The following CEP164 variants were observed in gnomAD, a reference collection of about 807,000 sequenced individuals.
CEP164 encodes centrosomal protein 164.
A neutral mutation model predicts 182.7 loss-of-function variants in CEP164; 162 were observed. That is an observed-to-expected ratio of 0.89 (90% CI 0.78 to 1.01). CEP164 has a LOEUF of 1.01. CEP164 is among the 50% of genes least tolerant of loss of function. The pLI is 0.00. For missense variants in CEP164, 1,735 were observed against 1,790.4 expected (o/e 0.97, Z 0.56); for synonymous variants, 661 against 690.0 (o/e 0.96, Z 0.66).
intron 8 of CEP164, among the ~76,000 whole-genome samples, chr11:117,369,312 C>T (rs2041967343): frequency 6.6e-6 from 1 of 152,346 alleles, no homozygotes; most frequent in East Asian, 1.9e-4. Flanking sequence ...AGCACTACTA[C>T]ATCCCAGTAT....
At chr11:117,337,207 C>T (rs2037293750) in intron 2 of CEP164, among the ~76,000 whole-genome samples, 1 of 152,104 alleles carries the variant, frequency 6.6e-6, no homozygotes, top group Non-Finnish European at 1.5e-5. Flanking sequence ...TGGTTCCTGT[C>T]TTGCAGACAG....
intron 8 of CEP164, among the ~76,000 whole-genome samples, chr11:117,367,703 A>G (rs2135825926): frequency 6.6e-6 from 1 of 152,296 alleles, no homozygotes; most frequent in East Asian, 1.9e-4. Flanking sequence ...CAGGTTTGTT[A>G]CATAGGTAAA....
intron 27 of CEP164, among the ~76,000 whole-genome samples, chr11:117,407,457 CA>C (rs1232486465): frequency 0.11 from 7,777 of 68,890 alleles, 169 homozygotes; most frequent in African/African-American, 0.25. Context: ...TCTGTCTCTA[CA>C]AAAAAAAAAA....
At chr11:117,385,385 A>G (rs1565555100) in intron 14 of CEP164, 1 of 152,174 alleles carries the variant, frequency 6.6e-6, no homozygotes, top group Non-Finnish European at 1.5e-5. Flanking sequence ...CTGAGCTAGC[A>G]GTTTGGGCTA....
At chr11:117,392,737 C>G (rs2044834475) in intron 19 of CEP164, 110 bp downstream of exon 19, 2 of 1,444,604 alleles carry the variant, frequency 1.4e-6, no homozygotes, top group East Asian at 4.6e-5. Flanking sequence ...GATGGCTCAG[C>G]TGGGGTTAGC....
chr11:117,394,583 G>A lies in CEP164; in HGVS notation c.2760+90G>A. ...AGCAGACGCATGGCCCCAGCAGGATGCAGCCTGACAGCTTCTGGAGTGAGA... is the reference window on the plus strand; with the variant it reads ...AGCAGACGCATGGCCCCAGCAGGATACAGCCTGACAGCTTCTGGAGTGAGA... On this transcript the variant is annotated intron_variant, in intron 21 of 32. Transcript: ENST00000278935. This position sits in a 1 kb window ranked among gnomAD's most constrained non-coding sequence, Gnocchi z 4.0. 1 of 1,497,210 alleles carries A rather than the reference G, an allele frequency of 6.7e-7. No individual in the cohort carries two copies. Among genetic ancestry groups the A allele is most frequent in the Non-Finnish European group, 9.0e-7 (1 of 1,108,794 alleles). 92.7% of individuals were successfully genotyped at this position (1,497,210 alleles called of 1,614,324 possible). A position where few individuals can be genotyped will look rare whatever the true frequency, so the allele number is the denominator to read the frequency against.
chr11:117,400,138 A>G (rs2045966097), intron 27 of CEP164, among the ~76,000 whole-genome samples: 1 of 152,200 alleles, frequency 6.6e-6, no homozygotes, highest in African/African-American at 2.4e-5. Context: ...TTAAGTCTTT[A>G]ATCCATCTCG....
intron 10 of CEP164, among the ~76,000 whole-genome samples, chr11:117,374,131 T>C (rs2042500106): frequency 6.6e-6 from 1 of 152,094 alleles, no homozygotes; most frequent in Admixed American, 6.5e-5. Flanking sequence ...CTCACTATTG[T>C]GTGAGTTGCC....
chr11:117,383,794 T>TG (rs1192011703), intron 14 of CEP164, among the ~76,000 whole-genome samples: 14 of 152,176 alleles, frequency 9.2e-5, no homozygotes, highest in Admixed American at 9.2e-4. Flanking sequence ...CCCAGCACTC[T>TG]GGGAGGCCGA....
chr11:117,374,417 C>T (rs7110647), intron 10 of CEP164, among the ~76,000 whole-genome samples: 67,461 of 151,978 alleles, frequency 0.44, 15,309 homozygotes, highest in African/African-American at 0.47. Context: ...GCATTACCTC[C>T]AGAAGCCATC....
intron 27 of CEP164, among the ~76,000 whole-genome samples, chr11:117,403,799 C>T (rs181259499): frequency 7.2e-5 from 11 of 152,242 alleles, no homozygotes; most frequent in East Asian, 1.9e-4. Flanking sequence ...ACCAATCAAA[C>T]GTAGATTTGG....
chr11:117,408,513 G>T (rs1409938157), intron 28 of CEP164: 3 of 290,396 alleles, frequency 1.0e-5, no homozygotes, highest in Admixed American at 4.5e-5. Flanking sequence ...TGGCACTGTT[G>T]TCTCTGTCTC....
Position 117,395,350 on chromosome 11 carries a change from C to T in CEP164, c.2913+159C>T, listed in dbSNP as rs7926486. 6.2e-3 allele frequency among the ~76,000 whole-genome samples: 938 copies of T among 152,340 alleles called. 11 individuals are homozygous for T. The highest frequency in any genetic ancestry group is 0.02 in the African/African-American group (813 of 41,576). The stretch of plus-strand genomic sequence containing the variant: ...AAATAGTGCCACTCTGTGGACCCCA[C>T]TTGGGAACCTCAAGGGAGTGGGACT... On this transcript the variant is annotated intron_variant, in intron 23 of 32. Transcript: ENST00000278935.
chr11:117,347,710 C>CAA (rs560974958), intron 4 of CEP164, among the ~76,000 whole-genome samples: 5 of 117,518 alleles, frequency 4.3e-5, no homozygotes, highest in African/African-American at 6.3e-5. Flanking sequence ...AACTCCATCT[C>CAA]AAAAAAAAAA....
chr11:117,382,747 C>G, intron 13 of CEP164, 49 bp from the exon 14 acceptor site: 1 of 1,599,000 alleles, frequency 6.3e-7, no homozygotes, highest in East Asian at 2.2e-5. Flanking sequence ...TCTTAAGCCT[C>G]TTGCTTTCTT....
intron 15 of CEP164, among the ~76,000 whole-genome samples, chr11:117,390,092 G>A (rs890228590): frequency 3.3e-5 from 5 of 151,910 alleles, no homozygotes; most frequent in South Asian, 2.1e-4. Flanking sequence ...ACAGGTGTGC[G>A]CCACCATGCC....
At chr11:117,395,515 C>G (rs200296019) in intron 23 of CEP164, 32 bp from the exon 24 acceptor site, 1 of 1,586,550 alleles carries the variant, frequency 6.3e-7, no homozygotes, top group East Asian at 2.2e-5. Flanking sequence ...TGTGCTGTCT[C>G]TGGGTGCTTC....
chr11:117,396,979 C>CCAG, intron 26 of CEP164, 112 bp from the exon 27 acceptor site: 2 of 960,088 alleles, frequency 2.1e-6, no homozygotes, highest in Non-Finnish European at 3.1e-6. Context: ...CAGCCCTAGC[C>CCAG]CAGCAGCTCT....
chr11:117,332,923 C>T (rs893728887), intron 1 of CEP164, among the ~76,000 whole-genome samples: 1 of 152,248 alleles, frequency 6.6e-6, no homozygotes, highest in African/African-American at 2.4e-5. Flanking sequence ...CCATAATTGA[C>T]TAGTGATGTC....
Sources: gnomAD v4.1 joint callset for allele counts (sites outside exome capture counted in the v4.1 genomes callset) on GRCh38, gnomAD v4.1.1 for gene constraint, Gnocchi (gnomAD v3.1) non-coding constraint, MANE v1.5 for transcripts, NCBI Gene and HGNC (gene_info 2026-07-23, HGNC 2026-07-21) for gene names.